TCF12: variants seen among roughly 807,000 people sequenced by gnomAD.
TCF12 encodes DNA-binding protein HTF4.
TCF12 carries 45 observed loss-of-function variants against 86.0 expected under a neutral mutation model. That is an observed-to-expected ratio of 0.52 (90% confidence interval 0.41 to 0.67). TCF12 has a LOEUF of 0.67. Ranked by LOEUF, TCF12 falls within the 30% of genes least tolerant of loss-of-function variation. TCF12 has a pLI of 0.00. For synonymous variants in TCF12, 330 were observed against 299.6 expected (o/e 1.10, Z -1.05); for missense variants, 881 against 859.9 (o/e 1.02, Z -0.31).
intron 3 of TCF12, among the ~76,000 whole-genome samples, chr15:56,986,258 A>T (rs1278899239): frequency 6.6e-6 from 1 of 152,192 alleles, no homozygotes; most frequent in African/African-American, 2.4e-5. Flanking sequence ...ATTGCTGCTT[A>T]CGTTTCTGGT....
chr15:57,056,775 T>TA (rs1169235204), intron 3 of TCF12, among the ~76,000 whole-genome samples: 8 of 151,622 alleles, frequency 5.3e-5, no homozygotes, highest in African/African-American at 1.9e-4. Flanking sequence ...TAGTTTTTTT[T>TA]AATGTTTTCT....
intron 5 of TCF12, among the ~76,000 whole-genome samples, chr15:57,095,860 C>A (rs1424852509): frequency 1.3e-5 from 2 of 152,058 alleles, no homozygotes; most frequent in African/African-American, 4.8e-5. Flanking sequence ...AATTTAATAA[C>A]TTTTATTCAA....
chr15:57,189,012 C>T (rs1285984457), intron 6 of TCF12, among the ~76,000 whole-genome samples: 1 of 152,186 alleles, frequency 6.6e-6, no homozygotes, highest in Non-Finnish European at 1.5e-5. Context: ...TTGTCTTGAA[C>T]TCCTGGGTTC....
At chr15:56,926,256 T>C (rs1351659831) in intron 3 of TCF12, among the ~76,000 whole-genome samples, 1 of 149,992 alleles carries the variant, frequency 6.7e-6, no homozygotes, top group Non-Finnish European at 1.5e-5. Context: ...GAGGTTACAG[T>C]GAGCCGAGAT....
intron 7 of TCF12, among the ~76,000 whole-genome samples, chr15:57,195,507 A>C (rs1237056407): frequency 6.6e-6 from 1 of 152,198 alleles, no homozygotes; most frequent in Non-Finnish European, 1.5e-5. Flanking sequence ...GGGTTTTATA[A>C]ATACAGAGTG....
At chr15:57,117,234 CAG>C (rs1301861807) in intron 5 of TCF12, among the ~76,000 whole-genome samples, 2 of 151,878 alleles carry the variant, frequency 1.3e-5, no homozygotes, top group Middle Eastern at 3.2e-3. Context: ...TTGGTCAAGA[CAG>C]AGTTTCACTA....
chr15:57,047,151 T>C (rs2141521692), intron 3 of TCF12, among the ~76,000 whole-genome samples: 1 of 152,378 alleles, frequency 6.6e-6, no homozygotes, highest in South Asian at 2.1e-4. Context: ...ATAAGTATTT[T>C]GCCAGCGTTT....
At chr15:57,101,833 A>G (rs1248740440) in intron 5 of TCF12, among the ~76,000 whole-genome samples, 3 of 152,216 alleles carry the variant, frequency 2.0e-5, no homozygotes, top group Non-Finnish European at 4.4e-5. Context: ...ATGGGAGTAC[A>G]TTACTAGTCC....
intron 6 of TCF12, among the ~76,000 whole-genome samples, chr15:57,190,661 C>T (rs1205047253): frequency 6.6e-6 from 1 of 152,090 alleles, no homozygotes; most frequent in African/African-American, 2.4e-5. Context: ...AAACTAACCT[C>T]GTTTGTTTTG....
intron 9 of TCF12, among the ~76,000 whole-genome samples, chr15:57,231,984 A>C (rs1307583928): frequency 6.6e-6 from 1 of 152,240 alleles, no homozygotes; most frequent in African/African-American, 2.4e-5. Flanking sequence ...TTAACTAAAA[A>C]TAAATCTAGC....
chr15:57,025,817 G>A (rs1352387041), intron 3 of TCF12, among the ~76,000 whole-genome samples: 1 of 152,210 alleles, frequency 6.6e-6, no homozygotes, highest in Non-Finnish European at 1.5e-5. Context: ...TAATAGAAAT[G>A]TGGTGTCAGA....
At chr15:56,933,692 T>C (rs1372989041) in intron 3 of TCF12, among the ~76,000 whole-genome samples, 4 of 151,982 alleles carry the variant, frequency 2.6e-5, no homozygotes, top group Admixed American at 2.6e-4. Context: ...ATGTGGAGGT[T>C]TGTGGTCTGT....
At chr15:57,107,722 A>G (rs1001301419) in intron 5 of TCF12, among the ~76,000 whole-genome samples, 114 of 152,074 alleles carry the variant, frequency 7.5e-4, no homozygotes, top group African/African-American at 2.6e-3. Flanking sequence ...TTGTCTCTAC[A>G]AAATAATTAA....
intron 3 of TCF12, among the ~76,000 whole-genome samples, chr15:57,027,728 A>G (rs1470833344): frequency 1.3e-5 from 2 of 152,132 alleles, no homozygotes; most frequent in East Asian, 1.9e-4. Flanking sequence ...TGTAGCTCCC[A>G]TAATCCCCAT....
At chr15:56,963,062 A>T (rs528528754) in intron 3 of TCF12, among the ~76,000 whole-genome samples, 1 of 142,220 alleles carries the variant, frequency 7.0e-6, no homozygotes, top group Non-Finnish European at 1.5e-5. Flanking sequence ...CTTCTGTACA[A>T]TCATTTTCTG....
chr15:56,966,873 A>G (rs2140666082), intron 3 of TCF12, among the ~76,000 whole-genome samples: 1 of 152,354 alleles, frequency 6.6e-6, no homozygotes, highest in South Asian at 2.1e-4. Flanking sequence ...CTGTAATCCC[A>G]GCACTTTGGG....
chr15:57,032,459 A>G (rs1282719826), intron 3 of TCF12, among the ~76,000 whole-genome samples: 3 of 152,154 alleles, frequency 2.0e-5, no homozygotes, highest in African/African-American at 7.2e-5. Context: ...GCAGGGTCTT[A>G]ACTCTTTCAT....
Position 57,007,978 on chromosome 15 carries a change from GCTCTCTCTCT to G in TCF12, c.149-55767_149-55758del, listed in dbSNP as rs1205713295. Among the ~76,000 whole-genome samples the G allele has an allele frequency of 1.4e-3, 175 of 123,178 alleles. 1 individual carries two copies. The highest frequency in any genetic ancestry group is 5.0e-3 in the African/African-American group (164 of 32,832). 80.8% of individuals were successfully genotyped at this position (123,178 alleles called of 152,430 possible). A position where few individuals can be genotyped will look rare whatever the true frequency, so the allele number is the denominator to read the frequency against. The stretch of plus-strand genomic sequence containing the variant: ...TTCTCTCTGTCTCTCTCTCTCTCTC[GCTCTCTCTCT>G]CTCTTTCTCTCACTGGAGTGCAGTG... On this transcript the variant is annotated intron_variant, in intron 3 of 20. Coordinates refer to ENST00000333725, the MANE Select transcript of TCF12 (RefSeq NM_207037.2).
intron 3 of TCF12, among the ~76,000 whole-genome samples, chr15:57,057,175 G>T (rs1289452545): frequency 6.6e-6 from 1 of 152,196 alleles, no homozygotes; most frequent in Non-Finnish European, 1.5e-5. Flanking sequence ...TGCCTGCCCT[G>T]TGAATGGTGT....
Sources: allele counts gnomAD v4.1 joint callset (sites outside exome capture counted in the v4.1 genomes callset), GRCh38; gene constraint gnomAD v4.1.1; transcripts MANE v1.5; gene names NCBI Gene and HGNC (gene_info 2026-07-23, HGNC 2026-07-21).